Variants in NLRP10 observed in about 807,000 individuals in gnomAD.
NLRP10 encodes NACHT, LRR and PYD domains-containing protein 10.
NLRP10 carries 7 observed loss-of-function variants against 8.2 expected under a neutral mutation model. The observed-to-expected ratio is 0.85, with a 90% confidence interval of 0.48 to 1.60. NLRP10 has a LOEUF of 1.60. Among genes scored for constraint, NLRP10 ranks in the 40% most tolerant of loss-of-function variants. NLRP10 has a pLI of 0.00. For missense variants in NLRP10, 814 were observed against 776.3 expected (o/e 1.05, Z -0.58); for synonymous variants, 338 against 314.0 (o/e 1.08, Z -0.81).
chr11:7,962,267 G>A (rs1247227894), intron 2 of NLRP10, among the ~76,000 whole-genome samples: 26 of 63,438 alleles, frequency 4.1e-4, no homozygotes, highest in Middle Eastern at 0.02. Context: ...ATGGAGTTTC[G>A]CTCTGTCGCC....
At chr11:7,963,038 G>A (rs1941758856) in intron 2 of NLRP10, among the ~76,000 whole-genome samples, 169 bp downstream of exon 2, 1 of 152,174 alleles carries the variant, frequency 6.6e-6, no homozygotes, top group South Asian at 2.1e-4. Flanking sequence ...CCTCCTGACA[G>A]TTGTTGGAAC....
chr11:7,963,720 C>T (rs1941772601), intron 1 of NLRP10, 180 bp from the exon 2 acceptor site: 1 of 571,886 alleles, frequency 1.7e-6, no homozygotes, highest in South Asian at 2.5e-5. Flanking sequence ...GCCTCTTAGT[C>T]AGGTGACACG....
Position 7,963,288 on chromosome 11 carries a change from C to G in NLRP10, c.208G>C (p.Ala70Pro). The change falls in exon 2 of 3, where the codon GCT becomes CCT. Residue 70 changes from alanine to proline, a missense_variant. Physicochemically the swap from Ala to Pro is conservative, Grantham distance 27. Coordinates refer to ENST00000691676, the MANE Select transcript of NLRP10 (RefSeq NM_001391958.1). ...AAGCCCTTGAGGACAACTTTCACAG[C>G]CTCCTTTTCTCCATACTTTGAAATC... is the stretch of plus-strand genomic sequence containing the variant. ...LLISKYGEKE[A>P]VKVVLKGLKV... 6.2e-7 allele frequency: 1 copy of G among 1,614,240 alleles called. No homozygotes were observed. Among genetic ancestry groups the G allele is most frequent in the Non-Finnish European group, 8.5e-7 (1 of 1,180,032 alleles).
intron 2 of NLRP10, among the ~76,000 whole-genome samples, chr11:7,961,653 G>A (rs888024096): frequency 2.0e-5 from 3 of 152,172 alleles, no homozygotes; most frequent in South Asian, 2.1e-4. Flanking sequence ...ATCAGCAAGT[G>A]TGTGTCTGTA....
chr11:7,960,807 G>C lies in NLRP10; in HGVS notation c.805C>G (p.Pro269Ala). The C allele has an allele frequency of 6.2e-7, 1 of 1,614,040 alleles. No individual in the cohort carries two copies. The highest frequency in any genetic ancestry group is 1.3e-5 in the African/African-American group (1 of 74,970). ...EEKLKKRGLS[P>A]KESLLHLLIR... ...AGAAGGTGCAGCAGGCTCTCCTTGG[G>C]ACTCAAACCCCTCTTCTTCAACTTT... The change falls in exon 3 of 3, where the codon CCC becomes GCC. Residue 269 changes from proline to alanine, a missense_variant. Coordinates refer to ENST00000691676, the MANE Select transcript of NLRP10 (RefSeq NM_001391958.1).
At position 7,961,118 on chromosome 11, in the gene NLRP10, G is replaced by A. The variant is rs1355827371; in HGVS notation, c.494C>T (p.Ala165Val). 93 of 1,614,026 alleles carry A rather than the reference G, an allele frequency of 5.8e-5. No individual in the cohort carries two copies. Among genetic ancestry groups the A allele is most frequent in the Non-Finnish European group, 7.5e-5 (88 of 1,180,022 alleles). The change falls in exon 3 of 3, where the codon GCC (alanine) becomes GTC (valine). Residue 165 changes from alanine to valine, a missense_variant. By Grantham distance (64) the Ala-to-Val change is moderately conservative. Coordinates refer to ENST00000691676, the MANE Select transcript of NLRP10 (RefSeq NM_001391958.1). Reference protein sequence around the residue: ...LFDSGEKPSLAPSLVVLQGSA... With the variant: ...LFDSGEKPSLVPSLVVLQGSA... Reference sequence around the variant, plus strand: ...CCCCTGTAGCACAACTAAGGATGGGGCCAGTGAGGGCTTTTCCCCTGAATC... The same window carrying A: ...CCCCTGTAGCACAACTAAGGATGGGACCAGTGAGGGCTTTTCCCCTGAATC...
Position 7,961,378 on chromosome 11 carries a change from T to C in NLRP10, c.290-56A>G, listed in dbSNP as rs1179308973. ...GAAATGGGAATTTTAGAAGGCAAAA[T>C]GGCCCCTCCAAACTGACTCTGCTCA... On this transcript the variant is annotated intron_variant, in intron 2 of 2. Transcript: ENST00000691676. 7.7e-6 allele frequency: 9 copies of C among 1,169,288 alleles called. No homozygotes were observed. The East Asian group carries it at 1.6e-4, about 21-fold the overall frequency. The allele number at this position is 1,169,288 out of a possible 1,614,324, so 72.4% of individuals were successfully genotyped here. A position where few individuals can be genotyped will look rare whatever the true frequency, so the allele number is the denominator to read the frequency against.
Position 7,960,252 on chromosome 11 carries a change from A to G in NLRP10, c.1360T>C (p.Leu454=), listed in dbSNP as rs762326366. The part of the protein sequence containing the change: ...AAFLSSNDYQ[L]GLAIKKFYSF... ...TAGAACTTCTTGATGGCAAGTCCCA[A>G]TTGGTAGTCGTTACTACTCAGGAAA... is the stretch of plus-strand genomic sequence containing the variant. The change falls in exon 3 of 3, where the codon TTG becomes CTG. Residue 454 remains leucine (L), a synonymous_variant. Transcript: ENST00000691676. The G allele has an allele frequency of 8.1e-6, 13 of 1,614,156 alleles. No individual in the cohort carries two copies. Among genetic ancestry groups the G allele is most frequent in the African/African-American group, 2.7e-5 (2 of 75,036 alleles).
rs1165845005 is a variant in NLRP10, at chr11:7,959,038, G to C, written c.*606C>G. ...ATGCTTTTGCTGTTATATCTAAAAA[G>C]TCATCGCCAAACCCAAGGTCACCTA... On this transcript the variant is annotated 3_prime_UTR_variant, in exon 3 of 3. Coordinates refer to ENST00000691676, the MANE Select transcript of NLRP10 (RefSeq NM_001391958.1). Among the ~76,000 whole-genome samples, 2 of 151,960 alleles carry C rather than the reference G, an allele frequency of 1.3e-5. No individual in the cohort carries two copies. The highest frequency in any genetic ancestry group is 2.9e-5 in the Non-Finnish European group (2 of 67,980).
chr11:7,961,383 C>T (rs756744815), intron 2 of NLRP10, 61 bp from the exon 3 acceptor site: 373 of 1,066,818 alleles, frequency 3.5e-4, no homozygotes, highest in South Asian at 5.3e-4. Flanking sequence ...CAAAATGGCC[C>T]CTCCAAACTG....
At position 7,961,251 on chromosome 11, in the gene NLRP10, A is replaced by G. The variant is rs777898680; in HGVS notation, c.361T>C (p.Tyr121His). 1 of 1,612,696 alleles carries G rather than the reference A, an allele frequency of 6.2e-7. No homozygotes were observed. Among genetic ancestry groups the G allele is most frequent in the Non-Finnish European group, 8.5e-7 (1 of 1,179,188 alleles). The change falls in exon 3 of 3, where the codon TAC becomes CAC. Residue 121 changes from tyrosine to histidine, a missense_variant. Coordinates refer to ENST00000691676, the MANE Select transcript of NLRP10 (RefSeq NM_001391958.1). ...TTGGCCACCAGGAGCACCTGGTTGT[A>G]TCTGCCATTGACTCCTGCTTCCTGC... ...EWQEAGVNGR[Y>H]NQVLLVAKPS...
chr11:7,962,119 C>G (rs1476633965), intron 2 of NLRP10, among the ~76,000 whole-genome samples: 1 of 152,018 alleles, frequency 6.6e-6, no homozygotes, highest in African/African-American at 2.4e-5. Context: ...TGACAATATG[C>G]CTCTTGTACC....
rs1012736002 is a variant in NLRP10, at chr11:7,959,407, C to A, written c.*237G>T. The A allele has an allele frequency of 2.3e-6, 1 of 427,380 alleles. No homozygotes were observed. The highest frequency in any genetic ancestry group is 4.1e-6 in the Non-Finnish European group (1 of 245,448). 26.5% of individuals were successfully genotyped at this position (427,380 alleles called of 1,614,324 possible). ...TTATTGGCTATTCTGAGTCTTTTGC[C>A]TTTGCACATAAACATTAGAATCATC... On this transcript the variant is annotated 3_prime_UTR_variant, in exon 3 of 3. Coordinates refer to ENST00000691676, the MANE Select transcript of NLRP10 (RefSeq NM_001391958.1).
chr11:7,960,842 G>A lies in NLRP10; in HGVS notation c.770C>T (p.Pro257Leu), dbSNP rs1170893139. ...CCTCTTCTTCAACTTTTCTTCAAAG[G>A]GCCTCTGCAGCTCATCAAAGCCATC... ...ILDGFDELQR[P>L]FEEKLKKRGL... is the part of the protein sequence containing the mutation. Residue 257 changes from proline (P) to leucine (L), a missense_variant, in exon 3 of 3, where the codon CCC (proline) becomes CTC (leucine). By Grantham distance (98) the Pro-to-Leu change is moderately conservative (BLOSUM62 -3). Transcript: ENST00000691676. 3 of 1,613,832 alleles carry A rather than the reference G, an allele frequency of 1.9e-6. No homozygotes were observed. The highest frequency in any genetic ancestry group is 1.3e-5 in the African/African-American group (1 of 74,838).
At position 7,958,087 on chromosome 11, in the gene NLRP10, G is replaced by A. The variant is rs755754081; in HGVS notation, c.*1557C>T. ...ATCACTGAATACTATTACATTATGT[G>A]GATGTATCACAGTTTGCTTATCCAT... On this transcript the variant is annotated 3_prime_UTR_variant, in exon 3 of 3. Coordinates refer to ENST00000691676, the MANE Select transcript of NLRP10 (RefSeq NM_001391958.1). Among the ~76,000 whole-genome samples, 41 of 151,918 alleles carry A rather than the reference G, an allele frequency of 2.7e-4. No individual in the cohort carries two copies. The highest frequency in any genetic ancestry group is 5.1e-4 in the Non-Finnish European group (35 of 67,990).
rs1941769577 is a variant in NLRP10, at chr11:7,963,553, G to A, written c.-45-13C>T. On this transcript the variant is annotated splice_polypyrimidine_tract_variant and intron_variant, in intron 1 of 2. Coordinates refer to ENST00000691676, the MANE Select transcript of NLRP10 (RefSeq NM_001391958.1). ...GAAGACCAGTGACCTGGAGAAAGAG[G>A]CAAAAGGAGAGGTCCACTGCTGAGA... 1 of 1,508,042 alleles carries A rather than the reference G, an allele frequency of 6.6e-7. No homozygotes were observed. Among genetic ancestry groups the A allele is most frequent in the Admixed American group, 2.0e-5 (1 of 50,070 alleles). The allele number at this position is 1,508,042 out of a possible 1,614,324, so 93.4% of individuals were successfully genotyped here.
At chr11:7,962,221 T>C (rs898488007) in intron 2 of NLRP10, among the ~76,000 whole-genome samples, 3 of 144,572 alleles carry the variant, frequency 2.1e-5, no homozygotes, top group Non-Finnish European at 4.5e-5. Flanking sequence ...GGGACTAAGA[T>C]AAGCCTGTTC....
Position 7,959,670 on chromosome 11 carries a change from C to T in NLRP10, c.1942G>A (p.Glu648Lys), listed in dbSNP as rs1380941090. 5 of 1,574,410 alleles carry T rather than the reference C, an allele frequency of 3.2e-6. No individual in the cohort carries two copies. Among genetic ancestry groups the T allele is most frequent in the Admixed American group, 2.1e-5 (1 of 48,732 alleles). Residue 648 changes from glutamate to lysine, a missense_variant, in exon 3 of 3, where the codon GAA becomes AAA. By Grantham distance (56) the Glu-to-Lys change is moderately conservative (BLOSUM62 1). Coordinates refer to ENST00000691676, the MANE Select transcript of NLRP10 (RefSeq NM_001391958.1). ...ASTGKGRGTE[E>K]TPKNTYI ...TATATGTAAGTATTTTTTGGTGTTT[C>T]CTCTGTCCCTCTGCCTTTTCCAGTA...
Position 7,961,254 on chromosome 11 carries a change from T to C in NLRP10, c.358A>G (p.Arg120Gly). 1 of 1,611,726 alleles carries C rather than the reference T, an allele frequency of 6.2e-7. No homozygotes were observed. Among genetic ancestry groups the C allele is most frequent in the African/African-American group, 1.3e-5 (1 of 74,876 alleles). The change falls in exon 3 of 3, where the codon AGA (arginine) becomes GGA (glycine). Residue 120 changes from arginine (R) to glycine (G), a missense_variant. By Grantham distance (125) the Arg-to-Gly change is moderately radical (BLOSUM62 -2). Transcript: ENST00000691676. ...EEWQEAGVNG[R>G]YNQVLLVAKP... ...GCCACCAGGAGCACCTGGTTGTATC[T>C]GCCATTGACTCCTGCTTCCTGCCAT...
Sources: allele counts gnomAD v4.1 joint callset (sites outside exome capture counted in the v4.1 genomes callset), GRCh38; gene constraint gnomAD v4.1.1; transcripts MANE v1.5; gene names NCBI Gene and HGNC (gene_info 2026-07-23, HGNC 2026-07-21).